FARP1: variants seen among roughly 807,000 people sequenced by gnomAD.
The protein encoded by FARP1 is FERM, ARHGEF and pleckstrin domain-containing protein 1.
A neutral mutation model predicts 128.8 loss-of-function variants in FARP1; 52 were observed. That is an observed-to-expected ratio of 0.40 (90% CI 0.32 to 0.51). The LOEUF (loss-of-function observed/expected upper bound fraction) is 0.51, where lower values mean the gene tolerates loss of function less well. Among genes scored for constraint, FARP1 ranks in the 20% least tolerant of loss-of-function variants. The pLI is 0.45. For synonymous variants in FARP1, 580 were observed against 551.8 expected (o/e 1.05, Z -0.72); for missense variants, 1,333 against 1,367.9 (o/e 0.97, Z 0.40).
chr13:98,440,880 C>T lies in FARP1; in HGVS notation c.2796+44C>T, dbSNP rs1211669221. On this transcript the variant is annotated intron_variant, in intron 24 of 26. Transcript: ENST00000319562. Reference sequence around the variant, plus strand: ...GCTCTGGTTCCCAGCTTGTGCTGGCCCAGGCAGAACCCAGGCAAACTTCTG... The same window carrying T: ...GCTCTGGTTCCCAGCTTGTGCTGGCTCAGGCAGAACCCAGGCAAACTTCTG... 3.3e-6 allele frequency: 5 copies of T among 1,536,206 alleles called. No individual in the cohort carries two copies. The East Asian group carries it at 9.7e-5, about 30-fold the overall frequency.
intron 1 of FARP1, among the ~76,000 whole-genome samples, chr13:98,206,060 G>GT (rs950172906): frequency 6.6e-6 from 1 of 151,932 alleles, no homozygotes; most frequent in Non-Finnish European, 1.5e-5. Context: ...CTTTGTAAAG[G>GT]TTTTTTTGTT....
At chr13:98,224,010 A>G (rs1282281985) in intron 2 of FARP1, among the ~76,000 whole-genome samples, 2 of 152,206 alleles carry the variant, frequency 1.3e-5, no homozygotes, top group African/African-American at 2.4e-5. Flanking sequence ...CCCATCTTCC[A>G]GTGGCCATTT....
At chr13:98,373,069 A>G (rs764494008) in intron 5 of FARP1, among the ~76,000 whole-genome samples, 2 of 152,190 alleles carry the variant, frequency 1.3e-5, no homozygotes, top group Non-Finnish European at 2.9e-5. Context: ...AGGGCCTTGG[A>G]TCAGGAAGAG....
intron 1 of FARP1, among the ~76,000 whole-genome samples, chr13:98,150,018 TG>T (rs1875875583): frequency 6.6e-6 from 1 of 151,972 alleles, no homozygotes; most frequent in African/African-American, 2.4e-5. Context: ...ATTACAGTCT[TG>T]AGCCACCGCG....
At position 98,435,689 on chromosome 13, in the gene FARP1, C is replaced by T; in HGVS notation, c.2257C>T (p.Leu753Phe). The change falls in exon 19 of 27, where the codon CTT becomes TTT. Residue 753 changes from leucine (L) to phenylalanine (F), a missense_variant. By Grantham distance (22) the Leu-to-Phe change is conservative (BLOSUM62 0). Coordinates refer to ENST00000319562, the MANE Select transcript of FARP1 (RefSeq NM_005766.4). ...LKKDLIGIDN[L>F]VVPGREFIRL... ...GAAAGATTTGATTGGCATTGACAAT[C>T]TTGTGGTTCCGGGAAGGGTAAGCAG... The T allele has an allele frequency of 6.2e-7, 1 of 1,614,154 alleles. No homozygotes were observed. The highest frequency in any genetic ancestry group is 8.5e-7 in the Non-Finnish European group (1 of 1,180,014).
At chr13:98,214,733 T>G (rs992520961) in intron 2 of FARP1, among the ~76,000 whole-genome samples, 7 of 152,204 alleles carry the variant, frequency 4.6e-5, no homozygotes, top group Non-Finnish European at 1.0e-4. Flanking sequence ...GATTTTCTTG[T>G]GGAATTTGTA....
chr13:98,284,405 GC>G (rs964146691), intron 2 of FARP1, among the ~76,000 whole-genome samples: 1 of 151,956 alleles, frequency 6.6e-6, no homozygotes, highest in African/African-American at 2.4e-5. Context: ...CCCCATCCCT[GC>G]CCTCACCTCA....
chr13:98,295,244 A>T (rs1885635070), intron 2 of FARP1, among the ~76,000 whole-genome samples: 2 of 152,036 alleles, frequency 1.3e-5, no homozygotes, highest in South Asian at 4.2e-4. Flanking sequence ...TTTTGAAGTG[A>T]TATTAAATTT....
At chr13:98,341,998 T>G (rs1472411305) in intron 2 of FARP1, among the ~76,000 whole-genome samples, 1 of 152,190 alleles carries the variant, frequency 6.6e-6, no homozygotes, top group Non-Finnish European at 1.5e-5. Flanking sequence ...TACTAAACCA[T>G]CTATAATACA....
intron 5 of FARP1, among the ~76,000 whole-genome samples, chr13:98,369,896 T>C (rs539983040): frequency 2.6e-5 from 4 of 152,342 alleles, no homozygotes; most frequent in Admixed American, 2.6e-4. Context: ...TGGGTCATCA[T>C]TGATCATCAT....
chr13:98,283,910 G>T (rs542563190), intron 2 of FARP1, among the ~76,000 whole-genome samples: 1 of 152,318 alleles, frequency 6.6e-6, no homozygotes, highest in African/African-American at 2.4e-5. Context: ...AAGGTAGGTT[G>T]TGTCCTTTAA....
chr13:98,446,035 G>A, intron 24 of FARP1, 63 bp from the exon 25 acceptor site: 1 of 1,129,090 alleles, frequency 8.9e-7, no homozygotes, highest in Non-Finnish European at 1.3e-6. Context: ...AGGGAGAGCT[G>A]CTCTCTGTGC....
At chr13:98,255,941 A>T (rs9517232) in intron 2 of FARP1, among the ~76,000 whole-genome samples, 1 of 152,080 alleles carries the variant, frequency 6.6e-6, no homozygotes, top group African/African-American at 2.4e-5. Context: ...CCAGCCCCCA[A>T]ATCCAGAACA....
intron 3 of FARP1, among the ~76,000 whole-genome samples, chr13:98,362,925 A>C (rs899053355): frequency 6.6e-6 from 1 of 152,256 alleles, no homozygotes; most frequent in African/African-American, 2.4e-5. Context: ...ACTGGTTGTT[A>C]CGTCTTCAGT....
intron 2 of FARP1, among the ~76,000 whole-genome samples, chr13:98,295,046 TAC>T (rs746373395): frequency 0.032 from 3,444 of 108,288 alleles, 74 homozygotes; most frequent in Non-Finnish European, 0.041. Flanking sequence ...ATATATATAT[TAC>T]ACACACACAC....
intron 2 of FARP1, among the ~76,000 whole-genome samples, chr13:98,245,696 GTTAC>G (rs1293442377): frequency 1.3e-5 from 2 of 152,192 alleles, no homozygotes; most frequent in African/African-American, 4.8e-5. Flanking sequence ...GTGTTACATG[GTTAC>G]TTACAGTAAC....
chr13:98,198,710 C>G (rs1280672750), intron 1 of FARP1, among the ~76,000 whole-genome samples: 1 of 151,772 alleles, frequency 6.6e-6, no homozygotes, highest in African/African-American at 2.4e-5. Context: ...AACCCTGTCT[C>G]TACTAAAAAT....
intron 2 of FARP1, among the ~76,000 whole-genome samples, chr13:98,218,108 A>T (rs1162351517): frequency 6.6e-6 from 1 of 151,956 alleles, no homozygotes; most frequent in South Asian, 2.1e-4. Flanking sequence ...GTCCCTGTTC[A>T]GCTTGGCCCG....
intron 7 of FARP1, among the ~76,000 whole-genome samples, 191 bp downstream of exon 7, chr13:98,385,035 A>G (rs1890045456): frequency 6.6e-6 from 1 of 152,174 alleles, no homozygotes; most frequent in East Asian, 1.9e-4. Context: ...CAGGTCACCC[A>G]CTGAAGCCTG....
Sources: allele counts gnomAD v4.1 joint callset (sites outside exome capture counted in the v4.1 genomes callset), GRCh38; gene constraint gnomAD v4.1.1; transcripts MANE v1.5; gene names NCBI Gene and HGNC (gene_info 2026-07-23, HGNC 2026-07-21).